The following TMEM114 variants were observed in gnomAD, a reference collection of about 807,000 sequenced individuals.
TMEM114 encodes the protein transmembrane protein 114.
In TMEM114, 6 loss-of-function variants were observed where a neutral mutation model predicts 6.2. The observed-to-expected ratio is 0.97, with a 90% confidence interval of 0.53 to 1.91. The LOEUF (loss-of-function observed/expected upper bound fraction) is 1.91. TMEM114 is among the 40% of genes most tolerant of loss of function. The pLI is 0.01. For missense variants in TMEM114, 218 were observed against 158.3 expected, an observed-to-expected ratio of 1.38 and a Z score of -2.02; for synonymous variants, 104 against 73.0, an observed-to-expected ratio of 1.42 and a Z score of -2.16.
chr16:8,573,497 T>C (rs1375585702), intron 2 of TMEM114, among the ~76,000 whole-genome samples: 1 of 152,030 alleles, frequency 6.6e-6, no homozygotes, highest in African/African-American at 2.4e-5. Flanking sequence ...AAGTCTAAGG[T>C]TTCAGGGTCT....
In TMEM114 at chr16:8,569,757, G is replaced by A. The variant is rs1036684849; in HGVS notation, c.*16C>T. The A allele has an allele frequency of 6.5e-7, 1 of 1,539,844 alleles. No homozygotes were observed. The highest frequency in any genetic ancestry group is 1.2e-5 in the South Asian group (1 of 83,722). ...GGCCAAGCCCCTCCCTCCCCTCCAC[G>A]ACCCAGCGCCCAGGCTCATATGGCC... is the stretch of plus-strand genomic sequence containing the variant. On this transcript the variant is annotated 3_prime_UTR_variant, in exon 4 of 4. Transcript: ENST00000620492.
Position 8,545,830 on chromosome 16 carries a change from C to G in TMEM114, n.213-8004G>C, listed in dbSNP as rs180945114. ...AAACCTTTGATTTCATAAATAAATG[C>G]TCAGCCAGGCATGGTGGCTCATGCC... On this transcript the variant is annotated intron_variant and non_coding_transcript_variant, in intron 2 of 2. Coordinates refer to the TMEM114 transcript ENST00000623677. 4.4e-4 allele frequency among the ~76,000 whole-genome samples: 67 copies of G among 152,222 alleles called. No individual in the cohort carries two copies. The Middle Eastern group carries it at 0.01, about 23-fold the overall frequency.
intron 2 of TMEM114, among the ~76,000 whole-genome samples, chr16:8,559,808 A>T (rs1034194836): frequency 1.3e-5 from 2 of 152,158 alleles, no homozygotes. Flanking sequence ...CGTGAAGCCC[A>T]GGTTTCCATG....
At chr16:8,564,489 A>ATGAGTGAG (rs1901449065) in intron 2 of TMEM114, among the ~76,000 whole-genome samples, 1 of 96,966 alleles carries the variant, frequency 1.0e-5, no homozygotes, top group Non-Finnish European at 2.0e-5. Flanking sequence ...GAGGGAATGA[A>ATGAGTGAG]TGAGTGAATG....
At chr16:8,571,083 C>G (rs1201964951) in intron 3 of TMEM114, among the ~76,000 whole-genome samples, 1 of 150,920 alleles carries the variant, frequency 6.6e-6, no homozygotes, top group Non-Finnish European at 1.5e-5. Context: ...GTTTTTTTTC[C>G]TCTGTGGATT....
At chr16:8,550,029 T>A (rs1900792065) in intron 2 of TMEM114, among the ~76,000 whole-genome samples, 1 of 152,104 alleles carries the variant, frequency 6.6e-6, no homozygotes, top group Admixed American at 6.6e-5. Flanking sequence ...AAACCACTGG[T>A]GTAAGCCCGA....
At chr16:8,546,194 G>C (rs1043800931) in intron 2 of TMEM114, among the ~76,000 whole-genome samples, 1 of 152,118 alleles carries the variant, frequency 6.6e-6, no homozygotes, top group Non-Finnish European at 1.5e-5. Context: ...CAATCCTGAA[G>C]AACACTTTTA....
intron 2 of TMEM114, among the ~76,000 whole-genome samples, chr16:8,558,678 A>T (rs987612187): frequency 6.6e-6 from 1 of 150,976 alleles, no homozygotes; most frequent in African/African-American, 2.4e-5. Flanking sequence ...TGAGCATTTC[A>T]CCCCACCTCT....
chr16:8,561,948 G>C (rs7405141), intron 2 of TMEM114, among the ~76,000 whole-genome samples: 13,587 of 151,480 alleles, frequency 0.09, 611 homozygotes, highest in Middle Eastern at 0.19. Context: ...AAGTGAATGA[G>C]TGAATGAGGG....
At chr16:8,563,253 GTGAA>G (rs1355490475) in intron 2 of TMEM114, among the ~76,000 whole-genome samples, 13 of 151,714 alleles carry the variant, frequency 8.6e-5, no homozygotes, top group African/African-American at 2.2e-4. Context: ...GAGTCAGTGA[GTGAA>G]TGAATGAGTC....
chr16:8,557,476 G>C (rs532511580), intron 2 of TMEM114, among the ~76,000 whole-genome samples: 2 of 152,292 alleles, frequency 1.3e-5, no homozygotes, highest in Admixed American at 6.5e-5. Flanking sequence ...CTGCATGAAA[G>C]AGGACAAACC....
chr16:8,545,645 T>C (rs1334941526), intron 2 of TMEM114, among the ~76,000 whole-genome samples: 1 of 152,206 alleles, frequency 6.6e-6, no homozygotes, highest in African/African-American at 2.4e-5. Flanking sequence ...GGTCTGAGAA[T>C]TTGCTTTTCT....
intron 2 of TMEM114, among the ~76,000 whole-genome samples, chr16:8,579,385 T>C (rs559018589): frequency 2.6e-5 from 4 of 152,340 alleles, no homozygotes; most frequent in South Asian, 2.1e-4. Flanking sequence ...AGTGTGACTT[T>C]GAGACTTCTG....
intron 2 of TMEM114, among the ~76,000 whole-genome samples, chr16:8,585,172 T>C (rs1567211901): frequency 6.6e-6 from 1 of 152,168 alleles, no homozygotes; most frequent in African/African-American, 2.4e-5. Context: ...ACTTGTTCAC[T>C]ATCACAAGAA....
chr16:8,557,774 A>C (rs993664948), intron 2 of TMEM114, among the ~76,000 whole-genome samples: 1 of 152,228 alleles, frequency 6.6e-6, no homozygotes, highest in East Asian at 1.9e-4. Context: ...TCGTGGGAAG[A>C]CTGAAGAAGA....
chr16:8,582,832 G>A (rs1476539628), intron 2 of TMEM114, among the ~76,000 whole-genome samples: 1 of 152,164 alleles, frequency 6.6e-6, no homozygotes, highest in Non-Finnish European at 1.5e-5. Flanking sequence ...CCAGGAGGTG[G>A]AAGCTGCAGT....
chr16:8,535,639 C>G (rs1900333627), downstream of TMEM114, among the ~76,000 whole-genome samples: 1 of 152,166 alleles, frequency 6.6e-6, no homozygotes, highest in African/African-American at 2.4e-5. Flanking sequence ...ACTGTAGGCA[C>G]TGATCTTATG....
chr16:8,570,538 G>A (rs1477664250), intron 3 of TMEM114, among the ~76,000 whole-genome samples: 1 of 152,070 alleles, frequency 6.6e-6, no homozygotes, highest in African/African-American at 2.4e-5. Flanking sequence ...CACCATATTG[G>A]CCAGACTGGT....
intron 2 of TMEM114, among the ~76,000 whole-genome samples, chr16:8,586,342 C>G (rs746508918): frequency 6.6e-6 from 1 of 152,098 alleles, no homozygotes; most frequent in East Asian, 1.9e-4. Context: ...GAAGTCTAAC[C>G]ATATCCCTTG....
Sources: gnomAD v4.1 joint callset for allele counts (sites outside exome capture counted in the v4.1 genomes callset) on GRCh38, gnomAD v4.1.1 for gene constraint, MANE v1.5 for transcripts, NCBI Gene and HGNC (gene_info 2026-07-23, HGNC 2026-07-21) for gene names.